ME1: variants seen among roughly 807,000 people sequenced by gnomAD.
The protein encoded by ME1 is malic enzyme 1.
Under a neutral mutation model 66.4 loss-of-function variants are expected in ME1, and 74 were observed. That is an observed-to-expected ratio of 1.11 (90% CI 0.92 to 1.35). The LOEUF is 1.35. Ranked by LOEUF, ME1 falls within the 40% of genes most tolerant of loss-of-function variation. The pLI is 0.00. For synonymous variants in ME1, 251 were observed against 235.6 expected, an observed-to-expected ratio of 1.07 and a Z score of -0.60; for missense variants, 750 against 694.1, an observed-to-expected ratio of 1.08 and a Z score of -0.90.
intron 6 of ME1, among the ~76,000 whole-genome samples, chr6:83,277,788 G>A (rs1432949667): frequency 2.0e-5 from 3 of 151,984 alleles, no homozygotes; most frequent in African/African-American, 7.2e-5. Flanking sequence ...TGTAATCGCA[G>A]CTACACGGGA....
chr6:83,219,097 G>A (rs527980670), intron 12 of ME1, among the ~76,000 whole-genome samples: 27 of 152,280 alleles, frequency 1.8e-4, no homozygotes, highest in African/African-American at 6.3e-4. Flanking sequence ...GAAACAAGAG[G>A]GAGAGCTGGT....
intron 9 of ME1, among the ~76,000 whole-genome samples, chr6:83,230,846 T>C (rs920060486): frequency 3.3e-5 from 5 of 151,996 alleles, no homozygotes; most frequent in Admixed American, 3.3e-4. Flanking sequence ...GGCAGGAGAA[T>C]GGCATAAACC....
chr6:83,237,071 T>C (rs1790413503), intron 9 of ME1, among the ~76,000 whole-genome samples: 1 of 150,608 alleles, frequency 6.6e-6, no homozygotes. Flanking sequence ...TGGCGGCCTG[T>C]GGTCCCAACT....
chr6:83,391,511 G>C (rs563089554), intron 3 of ME1, among the ~76,000 whole-genome samples: 1 of 152,070 alleles, frequency 6.6e-6, no homozygotes, highest in South Asian at 2.1e-4. Flanking sequence ...TTTTGCTTTA[G>C]TCTATTCTCA....
At chr6:83,214,073 T>C (rs906678288) in intron 13 of ME1, among the ~76,000 whole-genome samples, 3 of 152,200 alleles carry the variant, frequency 2.0e-5, no homozygotes, top group African/African-American at 7.2e-5. Context: ...ACTAAATTAT[T>C]TTTGTAAATT....
At chr6:83,363,305 G>T (rs1769040825) in intron 3 of ME1, among the ~76,000 whole-genome samples, 1 of 152,116 alleles carries the variant, frequency 6.6e-6, no homozygotes, top group Non-Finnish European at 1.5e-5. Flanking sequence ...AGATACTTTG[G>T]GCTCCTCATA....
chr6:83,390,848 CT>C, intron 3 of ME1, among the ~76,000 whole-genome samples: 1 of 151,176 alleles, frequency 6.6e-6, no homozygotes, highest in African/African-American at 2.4e-5. Flanking sequence ...TCCTCTCCCC[CT>C]CCCCAGCCAC....
intron 7 of ME1, among the ~76,000 whole-genome samples, chr6:83,252,683 G>A (rs571604074): frequency 3.3e-4 from 50 of 152,250 alleles, no homozygotes; most frequent in Admixed American, 1.4e-3. Flanking sequence ...GTGGACCTGA[G>A]TATATACCTA....
At chr6:83,307,047 C>T (rs1036344757) in intron 6 of ME1, among the ~76,000 whole-genome samples, 5 of 152,020 alleles carry the variant, frequency 3.3e-5, no homozygotes, top group Admixed American at 1.3e-4. Flanking sequence ...AAAGTTCTGG[C>T]TTCTCCAAGG....
At position 83,317,455 on chromosome 6, in the gene ME1, GCTCT is replaced by G. The variant is rs1408666033; in HGVS notation, c.601-2046_601-2043del. Among the ~76,000 whole-genome samples, 10 of 151,238 alleles carry G rather than the reference GCTCT, an allele frequency of 6.6e-5. No individual in the cohort carries two copies. The South Asian group carries it at 1.5e-3, about 22-fold the overall frequency. ...TGAATGGGAGTTCACTCATGATTTG[GCTCT>G]CTGTTTGTCTGTTGTTGGTGTATAG... is the stretch of plus-strand genomic sequence containing the variant. On this transcript the variant is annotated intron_variant, in intron 5 of 13. Transcript: ENST00000369705.
chr6:83,413,679 T>TA (rs1366533409), intron 1 of ME1, among the ~76,000 whole-genome samples: 1 of 152,172 alleles, frequency 6.6e-6, no homozygotes, highest in Non-Finnish European at 1.5e-5. Context: ...ATTTTACATC[T>TA]ACATTAAGAG....
At chr6:83,279,831 T>G (rs1185490229) in intron 6 of ME1, among the ~76,000 whole-genome samples, 2 of 152,156 alleles carry the variant, frequency 1.3e-5, no homozygotes, top group African/African-American at 4.8e-5. Flanking sequence ...CATAGGCATA[T>G]CAGAGTTAAG....
At chr6:83,227,135 T>G (rs946263493) in intron 11 of ME1, among the ~76,000 whole-genome samples, 200 bp downstream of exon 11, 2 of 152,206 alleles carry the variant, frequency 1.3e-5, no homozygotes, top group African/African-American at 2.4e-5. Flanking sequence ...TTAAAATATG[T>G]ATTTTATTTT....
intron 6 of ME1, among the ~76,000 whole-genome samples, chr6:83,307,368 T>C (rs1767843688): frequency 6.6e-6 from 1 of 152,150 alleles, no homozygotes; most frequent in South Asian, 2.1e-4. Flanking sequence ...ATTTGAGTCA[T>C]GTTCCCTAGT....
In ME1 at chr6:83,332,370, A is replaced by G. The variant is rs575219148; in HGVS notation, c.600+13803T>C. 2.6e-5 allele frequency among the ~76,000 whole-genome samples: 4 copies of G among 152,336 alleles called. No homozygotes were observed. In the East Asian group the frequency reaches 7.7e-4, roughly 29 times the overall value. ...GGCGATTTCTCAAAGAACATAAAGT[A>G]GATCTACTATTCAATCCAGCAATCC... is the stretch of plus-strand genomic sequence containing the variant. On this transcript the variant is annotated intron_variant, in intron 5 of 13. Coordinates refer to ENST00000369705, the MANE Select transcript of ME1 (RefSeq NM_002395.6).
chr6:83,351,994 A>G (rs1768809475), intron 4 of ME1, 70 bp downstream of exon 4: 1 of 857,114 alleles, frequency 1.2e-6, no homozygotes, highest in Non-Finnish European at 1.8e-6. Flanking sequence ...AATTGTCAGT[A>G]TATTTTAAAC....
In ME1 at chr6:83,219,060, T is replaced by TG. The variant is rs539448315; in HGVS notation, c.1450-2465dup. On this transcript the variant is annotated intron_variant, in intron 12 of 13. Coordinates refer to ENST00000369705, the MANE Select transcript of ME1 (RefSeq NM_002395.6). ...AAAAGAATGAGTGAACTGAAAGTTA[T>TG]GGGCTCTTACCGAAATGGCACTAAG... Among the ~76,000 whole-genome samples, 291 of 152,330 alleles carry TG rather than the reference T, an allele frequency of 1.9e-3. 1 individual carries two copies. The highest frequency in any genetic ancestry group is 3.8e-3 in the Admixed American group (58 of 15,296).
At chr6:83,299,828 C>T (rs1341111601) in intron 6 of ME1, among the ~76,000 whole-genome samples, 2 of 152,058 alleles carry the variant, frequency 1.3e-5, no homozygotes, top group South Asian at 2.1e-4. Context: ...CAAATCTTAT[C>T]GAAGGCCTGT....
At chr6:83,375,140 T>C (rs1443308640) in intron 3 of ME1, among the ~76,000 whole-genome samples, 1 of 152,202 alleles carries the variant, frequency 6.6e-6, no homozygotes, top group African/African-American at 2.4e-5. Context: ...AGAATGTCAA[T>C]GGTAGTTTGA....
Sources: gnomAD v4.1 joint callset for allele counts (sites outside exome capture counted in the v4.1 genomes callset) on GRCh38, gnomAD v4.1.1 for gene constraint, MANE v1.5 for transcripts, NCBI Gene and HGNC (gene_info 2026-07-23, HGNC 2026-07-21) for gene names.